SCLT1: variants seen among roughly 807,000 people sequenced by gnomAD.
SCLT1 encodes sodium channel and clathrin linker 1, also known as sodium channel-associated protein 1.
SCLT1 carries 78 observed loss-of-function variants against 112.8 expected under a neutral mutation model. The ratio of observed to expected loss-of-function variants is 0.69; its 90% CI spans 0.58 to 0.83. The LOEUF is 0.83. Ranked by LOEUF, SCLT1 falls within the 40% of genes least tolerant of loss-of-function variation. The probability of loss-of-function intolerance (pLI) is 0.00; values close to 1 mark genes in which losing one functional copy is unlikely to be tolerated. For synonymous variants in SCLT1, 257 were observed against 254.7 expected, an observed-to-expected ratio of 1.01 and a Z score of -0.09; for missense variants, 747 against 770.4, an observed-to-expected ratio of 0.97 and a Z score of 0.36.
intron 18 of SCLT1, among the ~76,000 whole-genome samples, chr4:128,911,174 G>T (rs1445350617): frequency 1.3e-5 from 2 of 152,142 alleles, no homozygotes; most frequent in Admixed American, 1.3e-4. Context: ...GCTAAGGCAG[G>T]AGAATCGCTT....
At chr4:128,878,804 T>TTTAC (rs1416329623) in intron 3 of SCLT1, among the ~76,000 whole-genome samples, 1 of 152,162 alleles carries the variant, frequency 6.6e-6, no homozygotes, top group African/African-American at 2.4e-5. Context: ...TTTCTACTAC[T>TTTAC]TTACTTACAT....
intron 18 of SCLT1, among the ~76,000 whole-genome samples, chr4:128,893,190 T>C (rs1039409456): frequency 1.4e-5 from 1 of 70,372 alleles, no homozygotes; most frequent in Non-Finnish European, 2.8e-5. Flanking sequence ...ATTTCATGCC[T>C]AAACTATTAT....
chr4:128,877,439 T>C (rs1472879545), intron 3 of SCLT1, among the ~76,000 whole-genome samples: 1 of 152,106 alleles, frequency 6.6e-6, no homozygotes, highest in Non-Finnish European at 1.5e-5. Context: ...CCCAGCACTT[T>C]GGGAGGTGGA....
At chr4:128,942,070 C>T (rs527454024) in intron 17 of SCLT1, among the ~76,000 whole-genome samples, 4 of 151,970 alleles carry the variant, frequency 2.6e-5, no homozygotes, top group East Asian at 3.9e-4. Context: ...TGATATCTGG[C>T]GGTATGGGTC....
intron 9 of SCLT1, among the ~76,000 whole-genome samples, 198 bp downstream of exon 9, chr4:128,991,969 C>G (rs933821028): frequency 3.3e-5 from 5 of 151,738 alleles, no homozygotes; most frequent in Non-Finnish European, 1.5e-5. Flanking sequence ...AAAGGTCTGA[C>G]TGTATATCAC....
chr4:128,910,286 A>T (rs2125945672), intron 18 of SCLT1, among the ~76,000 whole-genome samples: 1 of 152,340 alleles, frequency 6.6e-6, no homozygotes, highest in Non-Finnish European at 1.5e-5. Flanking sequence ...ACCATCTTCT[A>T]CATTTTGCCA....
At chr4:129,053,363 T>C (rs924845130) in intron 2 of SCLT1, among the ~76,000 whole-genome samples, 1 of 152,036 alleles carries the variant, frequency 6.6e-6, no homozygotes, top group African/African-American at 2.4e-5. Context: ...TGTGGGAGTG[T>C]AAGTCTCTTT....
chr4:129,087,838 T>G (rs1752529849), intron 1 of SCLT1, among the ~76,000 whole-genome samples: 1 of 147,374 alleles, frequency 6.8e-6, no homozygotes, highest in Non-Finnish European at 1.5e-5. Context: ...ATGCCTATAA[T>G]CCTAGCACTT....
chr4:129,039,965 A>G (rs1747553840), intron 4 of SCLT1: 2 of 519,942 alleles, frequency 3.8e-6, no homozygotes. Flanking sequence ...AGCATGCAAA[A>G]TCTCACTTAA....
intron 13 of SCLT1, among the ~76,000 whole-genome samples, chr4:128,954,923 T>G (rs529451913): frequency 1.2e-4 from 19 of 152,302 alleles, no homozygotes; most frequent in Admixed American, 2.6e-4. Flanking sequence ...CTCACATAAT[T>G]TCTAAAATGT....
intron 9 of SCLT1, among the ~76,000 whole-genome samples, chr4:128,982,589 C>T (rs1477286512): frequency 6.6e-6 from 1 of 151,920 alleles, no homozygotes; most frequent in African/African-American, 2.4e-5. Context: ...GCAACCTCTG[C>T]CTCCTGGGTT....
At chr4:129,078,992 T>C (rs1400652194) in intron 2 of SCLT1, among the ~76,000 whole-genome samples, 1 of 152,092 alleles carries the variant, frequency 6.6e-6, no homozygotes, top group Non-Finnish European at 1.5e-5. Context: ...GGGGAGGTAC[T>C]ACCCATTTAT....
At position 128,943,114 on chromosome 4, in the gene SCLT1, T is replaced by C; in HGVS notation, c.1514A>G (p.Asn505Ser). The change falls in exon 17 of 21, where the codon AAC becomes AGC. Residue 505 changes from asparagine to serine, a missense_variant. Transcript: ENST00000281142. ...CCTTTGTTCACTGACAAGCCCACAG[T>C]TCTCTCTCTCAGACTCCAATACATT... ...LQNVLESERENCGLVSEQRLK... is the reference protein window; with the variant it reads ...LQNVLESERESCGLVSEQRLK... The C allele has an allele frequency of 6.2e-7, 1 of 1,612,686 alleles. No homozygotes were observed. The highest frequency in any genetic ancestry group is 8.5e-7 in the Non-Finnish European group (1 of 1,178,982).
At chr4:129,038,034 T>C (rs1467189430) in intron 5 of SCLT1, 1 of 153,222 alleles carries the variant, frequency 6.5e-6, no homozygotes, top group Non-Finnish European at 1.5e-5. Context: ...CTGGGGAGGC[T>C]GAGGCAGGAG....
rs1753032635 is a variant in SCLT1 at position 129,093,414 on chromosome 4, G to T, written c.-311C>A. The stretch of plus-strand genomic sequence containing the variant: ...CCCGCGGGTCACTCTGGGTCTCGTC[G>T]GGCCACCTAGGAGAGTGCCGCGGGA... On this transcript the variant is annotated 5_prime_UTR_variant, in exon 1 of 21. Coordinates refer to ENST00000281142, the MANE Select transcript of SCLT1 (RefSeq NM_144643.4). 2 of 442,284 alleles carry T rather than the reference G, an allele frequency of 4.5e-6. No homozygotes were observed. Among genetic ancestry groups the T allele is most frequent in the Non-Finnish European group, 8.3e-6 (2 of 242,406 alleles). The allele number at this position is 442,284 out of a possible 1,614,324, so 27.4% of individuals were successfully genotyped here. A position where few individuals can be genotyped will look rare whatever the true frequency, so the allele number is the denominator to read the frequency against.
chr4:128,903,726 C>A (rs912235270), intron 18 of SCLT1, among the ~76,000 whole-genome samples: 1 of 152,130 alleles, frequency 6.6e-6, no homozygotes, highest in Non-Finnish European at 1.5e-5. Flanking sequence ...CAAACTCTAT[C>A]CCCTGAGACT....
chr4:128,886,477 AT>A (rs1282318162), intron 20 of SCLT1, among the ~76,000 whole-genome samples: 1 of 152,200 alleles, frequency 6.6e-6, no homozygotes, highest in Non-Finnish European at 1.5e-5. Context: ...GAGGGTAAAG[AT>A]AAAAATTAAA....
intron 18 of SCLT1, among the ~76,000 whole-genome samples, chr4:128,927,904 T>C (rs956282739): frequency 6.6e-6 from 1 of 151,916 alleles, no homozygotes; most frequent in Non-Finnish European, 1.5e-5. Context: ...GGTACAATAA[T>C]ATCAGGAATG....
intron 1 of SCLT1, among the ~76,000 whole-genome samples, chr4:129,085,727 G>A (rs1410936613): frequency 6.6e-6 from 1 of 152,184 alleles, no homozygotes; most frequent in Non-Finnish European, 1.5e-5. Flanking sequence ...CATGGATGGA[G>A]CTGGAGACCA....
Sources: allele counts gnomAD v4.1 joint callset (sites outside exome capture counted in the v4.1 genomes callset), GRCh38; gene constraint gnomAD v4.1.1; transcripts MANE v1.5; gene names NCBI Gene and HGNC (gene_info 2026-07-23, HGNC 2026-07-21).